The following GPR149 variants were observed in gnomAD, a reference collection of about 807,000 sequenced individuals.
The protein encoded by GPR149 is G protein-coupled receptor 149, also known as probable G protein-coupled receptor 149.
Under a neutral mutation model 50.2 loss-of-function variants are expected in GPR149, and 50 were observed. That is an observed-to-expected ratio of 1.00 (90% confidence interval 0.79 to 1.26). The LOEUF (loss-of-function observed/expected upper bound fraction) is 1.26. Ranked by LOEUF, GPR149 falls within the 50% of genes most tolerant of loss-of-function variation. The pLI is 0.00. For synonymous variants in GPR149, 405 were observed against 358.2 expected (o/e 1.13, Z -1.48); for missense variants, 983 against 895.4 (o/e 1.10, Z -1.25).
intron 3 of GPR149, among the ~76,000 whole-genome samples, chr3:154,347,065 T>C (rs1007826330): frequency 1.4e-4 from 21 of 152,124 alleles, no homozygotes; most frequent in African/African-American, 5.1e-4. Flanking sequence ...AACAACCTTA[T>C]AAAATAGAGA....
chr3:154,398,736 G>T (rs954188789), intron 3 of GPR149, among the ~76,000 whole-genome samples: 1 of 152,022 alleles, frequency 6.6e-6, no homozygotes, highest in Non-Finnish European at 1.5e-5. Flanking sequence ...ATTAAAAATG[G>T]CCATGACTCA....
At chr3:154,368,575 A>G (rs753181223) in intron 3 of GPR149, among the ~76,000 whole-genome samples, 8 of 152,194 alleles carry the variant, frequency 5.3e-5, no homozygotes, top group Admixed American at 1.3e-4. Flanking sequence ...GCATGGGTAC[A>G]GCTCTTAGAG....
intron 3 of GPR149, among the ~76,000 whole-genome samples, chr3:154,365,674 A>T (rs1714516500): frequency 6.6e-6 from 1 of 152,182 alleles, no homozygotes; most frequent in Admixed American, 6.5e-5. Flanking sequence ...GTCTTAGTTC[A>T]TGGCCCTTAA....
Position 154,428,749 on chromosome 3 carries a change from C to T in GPR149, c.867G>A (p.Arg289=), listed in dbSNP as rs779860486. The T allele has an allele frequency of 6.2e-7, 1 of 1,614,052 alleles. No individual in the cohort carries two copies. The highest frequency in any genetic ancestry group is 8.5e-7 in the Non-Finnish European group (1 of 1,180,040). ...APAAAGAEAC[R]RENRGTLYGT... ...CATAGAGAGTCCCCCGGTTCTCACG[C>T]CTGCAGGCTTCAGCCCCAGCGGCAG... Residue 289 remains arginine, a synonymous_variant, in exon 1 of 4, where the codon AGG becomes AGA. Transcript: ENST00000389740.
intron 3 of GPR149, among the ~76,000 whole-genome samples, chr3:154,420,302 TG>T (rs1298286791): frequency 6.6e-6 from 1 of 151,900 alleles, no homozygotes; most frequent in Non-Finnish European, 1.5e-5. Context: ...TATGAGAGCT[TG>T]GGGAAAGAAA....
intron 3 of GPR149, among the ~76,000 whole-genome samples, chr3:154,379,657 A>G (rs574057124): frequency 1.3e-5 from 2 of 152,272 alleles, no homozygotes; most frequent in East Asian, 3.9e-4. Context: ...TCATTTTTTG[A>G]ATATTGATAT....
chr3:154,361,048 G>A (rs1296272237), intron 3 of GPR149, among the ~76,000 whole-genome samples: 2 of 151,808 alleles, frequency 1.3e-5, no homozygotes, highest in Non-Finnish European at 2.9e-5. Flanking sequence ...TATAGTATAC[G>A]GAAAATTCTT....
intron 3 of GPR149, among the ~76,000 whole-genome samples, chr3:154,372,296 G>C (rs535750074): frequency 5.9e-5 from 9 of 152,276 alleles, no homozygotes; most frequent in African/African-American, 2.2e-4. Context: ...ATTTGTGTGT[G>C]TGTTTTCTTC....
At chr3:154,416,294 T>G (rs1187545750) in intron 3 of GPR149, among the ~76,000 whole-genome samples, 1 of 151,864 alleles carries the variant, frequency 6.6e-6, no homozygotes, top group African/African-American at 2.4e-5. Flanking sequence ...ATTTTTAATG[T>G]GCATATTAGC....
At chr3:154,417,640 G>A (rs570430464) in intron 3 of GPR149, among the ~76,000 whole-genome samples, 1 of 152,090 alleles carries the variant, frequency 6.6e-6, no homozygotes, top group South Asian at 2.1e-4. Context: ...AAAAGAAGTA[G>A]TGTTTTTATA....
At chr3:154,405,807 A>G (rs906626030) in intron 3 of GPR149, among the ~76,000 whole-genome samples, 54 of 151,896 alleles carry the variant, frequency 3.6e-4, no homozygotes, top group Admixed American at 1.3e-3. Context: ...ATCAAAATAG[A>G]AATAATTAAG....
chr3:154,409,327 C>T (rs930717169), intron 3 of GPR149, among the ~76,000 whole-genome samples: 1 of 152,076 alleles, frequency 6.6e-6, no homozygotes, highest in African/African-American at 2.4e-5. Flanking sequence ...GTTTCTTTAA[C>T]ACCCTGAAAA....
intron 3 of GPR149, among the ~76,000 whole-genome samples, chr3:154,369,715 G>C (rs1459937843): frequency 1.3e-5 from 2 of 152,350 alleles, no homozygotes; most frequent in East Asian, 3.9e-4. Flanking sequence ...GGCAGATTTA[G>C]GGAAATTCTC....
rs901726621 is a variant in GPR149, at chr3:154,369,549, G to A, written c.1624-31278C>T. Among the ~76,000 whole-genome samples the A allele has an allele frequency of 3.2e-4, 48 of 152,090 alleles. 1 individual carries two copies. The highest frequency in any genetic ancestry group is 1.8e-3 in the Admixed American group (27 of 15,282). ...TGACTCTCCTCCATCCGGTCCCACC[G>A]AAGTGTTAAAGGCACACCGGAAAGA... is the stretch of plus-strand genomic sequence containing the variant. On this transcript the variant is annotated intron_variant, in intron 3 of 3. Transcript: ENST00000389740.
At chr3:154,368,230 C>T (rs1714587602) in intron 3 of GPR149, among the ~76,000 whole-genome samples, 1 of 152,202 alleles carries the variant, frequency 6.6e-6, no homozygotes, top group African/African-American at 2.4e-5. Flanking sequence ...TCCTGGGTCC[C>T]AATGTCCACT....
At chr3:154,420,338 C>T (rs892043515) in intron 3 of GPR149, among the ~76,000 whole-genome samples, 4 of 151,844 alleles carry the variant, frequency 2.6e-5, no homozygotes, top group African/African-American at 9.7e-5. Context: ...TATCACACTG[C>T]CATTTCAATG....
chr3:154,371,199 C>T (rs990621342), intron 3 of GPR149, among the ~76,000 whole-genome samples: 2 of 152,104 alleles, frequency 1.3e-5, no homozygotes, highest in Non-Finnish European at 2.9e-5. Context: ...TTGCAATAAC[C>T]GAATGCTAGG....
intron 3 of GPR149, among the ~76,000 whole-genome samples, chr3:154,389,538 A>G (rs1715117434): frequency 6.6e-6 from 1 of 152,154 alleles, no homozygotes; most frequent in Non-Finnish European, 1.5e-5. Flanking sequence ...AACCAGGAAC[A>G]CTACAGCCAC....
intron 3 of GPR149, among the ~76,000 whole-genome samples, chr3:154,404,525 T>A (rs940710963): frequency 2.6e-5 from 4 of 152,188 alleles, no homozygotes; most frequent in Admixed American, 6.5e-5. Flanking sequence ...TTGTGACATA[T>A]TTAAAGATCC....
Sources: allele counts gnomAD v4.1 joint callset (sites outside exome capture counted in the v4.1 genomes callset), GRCh38; gene constraint gnomAD v4.1.1; transcripts MANE v1.5; gene names NCBI Gene and HGNC (gene_info 2026-07-23, HGNC 2026-07-21).